JAKMIP3: variants seen among roughly 807,000 people sequenced by gnomAD.
JAKMIP3 encodes the protein janus kinase and microtubule-interacting protein 3.
A neutral mutation model predicts 118.5 loss-of-function variants in JAKMIP3; 58 were observed. The ratio of observed to expected loss-of-function variants is 0.49; its 90% confidence interval spans 0.40 to 0.61. The LOEUF is 0.61. Ranked by LOEUF, JAKMIP3 falls within the 20% of genes least tolerant of loss-of-function variation. The pLI is 0.00. For synonymous variants in JAKMIP3, 486 were observed against 451.2 expected, an observed-to-expected ratio of 1.08 and a Z score of -0.98; for missense variants, 950 against 1,109.0, an observed-to-expected ratio of 0.86 and a Z score of 2.04.
chr10:132,051,969 C>T lies in JAKMIP3; in HGVS notation c.-138+15231C>T, dbSNP rs143288679. On this transcript the variant is annotated intron_variant, in intron 1 of 23. Coordinates refer to the JAKMIP3 transcript ENST00000657785. Reference sequence around the variant, plus strand: ...TCCCAGCCAGGTGTGGTGGCTCACACCCAGTACTTTGGGAGGCAGAGGCAG... The same window carrying T: ...TCCCAGCCAGGTGTGGTGGCTCACATCCAGTACTTTGGGAGGCAGAGGCAG... Among the ~76,000 whole-genome samples, 168 of 152,318 alleles carry T rather than the reference C, an allele frequency of 1.1e-3. 2 individuals carry two copies. In the East Asian group the frequency reaches 0.028, roughly 25 times the overall value.
chr10:132,126,462 C>G (rs968475518), intron 3 of JAKMIP3, among the ~76,000 whole-genome samples: 2 of 152,138 alleles, frequency 1.3e-5, no homozygotes, highest in East Asian at 3.8e-4. Context: ...GCTGCCGTAC[C>G]TGGCTAAGTT....
intron 1 of JAKMIP3, among the ~76,000 whole-genome samples, chr10:132,093,029 G>T (rs1379469374): frequency 6.6e-6 from 1 of 152,182 alleles, no homozygotes; most frequent in Non-Finnish European, 1.5e-5. Flanking sequence ...TTTTCTGGAG[G>T]TCCACTCCAG....
In JAKMIP3 at chr10:132,097,941, C is replaced by T. The variant is rs1564892892; in HGVS notation, c.-137-6731C>T. Among the ~76,000 whole-genome samples, 27 of 60,738 alleles carry T rather than the reference C, an allele frequency of 4.4e-4. 6 individuals are homozygous for T. The highest frequency in any genetic ancestry group is 8.5e-4 in the South Asian group (1 of 1,172). The allele number at this position is 60,738 out of a possible 152,430, so 39.8% of individuals were successfully genotyped here. ...TCCCCTTTCCTTCCCCTTCCCCTTT[C>T]CCTTTCCCATCCCCTTTCCCTTTCC... On this transcript the variant is annotated intron_variant, in intron 1 of 23. Coordinates refer to ENST00000684848, the MANE Select transcript of JAKMIP3 (RefSeq NM_001323087.2).
At chr10:132,107,405 C>T (rs551643818) in intron 2 of JAKMIP3, among the ~76,000 whole-genome samples, 22 of 152,272 alleles carry the variant, frequency 1.4e-4, no homozygotes, top group African/African-American at 4.1e-4. Flanking sequence ...GTTCCAGGGC[C>T]GGCGTCTGAG....
chr10:132,116,239 T>C (rs1044571867), intron 2 of JAKMIP3, among the ~76,000 whole-genome samples: 2 of 152,260 alleles, frequency 1.3e-5, no homozygotes, highest in Non-Finnish European at 2.9e-5. Context: ...TTCCGGTGGG[T>C]GACCTCAGGT....
At chr10:132,153,113 G>A (rs2056518562) in intron 17 of JAKMIP3, 90 bp downstream of exon 17, 2 of 1,063,518 alleles carry the variant, frequency 1.9e-6, no homozygotes, top group South Asian at 2.7e-5. Flanking sequence ...CTCGGGAGGA[G>A]GGCCTGCAGG....
At chr10:132,159,723 C>T (rs1447945671) in intron 19 of JAKMIP3, among the ~76,000 whole-genome samples, 1 of 54,516 alleles carries the variant, frequency 1.8e-5, no homozygotes, top group East Asian at 5.6e-4. Context: ...ATGCTGGGGG[C>T]ATGTCTTCCT....
intron 1 of JAKMIP3, among the ~76,000 whole-genome samples, chr10:132,085,757 C>G (rs2042323381): frequency 6.6e-6 from 1 of 152,304 alleles, no homozygotes; most frequent in East Asian, 1.9e-4. Flanking sequence ...CCTCGGCCTC[C>G]CAAAGTGCTG....
At chr10:132,113,953 T>G (rs2047247177) in intron 2 of JAKMIP3, among the ~76,000 whole-genome samples, 1 of 152,258 alleles carries the variant, frequency 6.6e-6, no homozygotes, top group Non-Finnish European at 1.5e-5. Context: ...AGGATGCCTG[T>G]GCCGTGCGAC....
chr10:132,153,752 T>C lies in JAKMIP3; in HGVS notation c.2074-7T>C. 3 of 1,612,984 alleles carry C rather than the reference T, an allele frequency of 1.9e-6. No individual in the cohort carries two copies. In the South Asian group the frequency reaches 3.3e-5, roughly 18 times the overall value. On this transcript the variant is annotated splice_region_variant and splice_polypyrimidine_tract_variant and intron_variant, in intron 17 of 23. Coordinates refer to ENST00000684848, the MANE Select transcript of JAKMIP3 (RefSeq NM_001323087.2). ...GTCACTGTCCTGCTTGTTCTGTTTG[T>C]GTCCAGTGGCTCCAGCAGATTGAGG...
rs200516131 is a variant in JAKMIP3 at position 132,137,180 on chromosome 10, G to A, written c.1248+30G>A. ...CCGGCGGGCTGTTTGCTGCGGCCCC[G>A]TCCTCTGGCTCCCAAGGGGCTTGGC... is the stretch of plus-strand genomic sequence containing the variant. On this transcript the variant is annotated intron_variant, in intron 7 of 23. Transcript: ENST00000684848. 5.6e-4 allele frequency: 903 copies of A among 1,613,816 alleles called. 1 individual carries two copies. The highest frequency in any genetic ancestry group is 1.9e-3 in the Admixed American group (113 of 60,020).
intron 2 of JAKMIP3, among the ~76,000 whole-genome samples, chr10:132,114,595 A>G (rs1236388622): frequency 6.6e-6 from 1 of 152,138 alleles, no homozygotes; most frequent in African/African-American, 2.4e-5. Flanking sequence ...GGTTCTTTGC[A>G]TTTCCATCTA....
At chr10:132,146,136 C>A (rs2054560022) in intron 13 of JAKMIP3, among the ~76,000 whole-genome samples, 1 of 137,984 alleles carries the variant, frequency 7.2e-6, no homozygotes, top group Non-Finnish European at 1.6e-5. Context: ...CCCGCCCCCA[C>A]CCCCACCCCC....
At chr10:132,180,616 CGTGTGTGTGCGTGTGTGCGT>C (rs2060880226) in intron 23 of JAKMIP3, among the ~76,000 whole-genome samples, 1 of 14,612 alleles carries the variant, frequency 6.8e-5, no homozygotes, top group East Asian at 4.9e-3. Context: ...TGTGTGTGTG[CGTGTGTGTGCGTGTGTGCGT>C]GCGTGTGTGC....
chr10:132,161,054 C>G (rs1202339483), intron 19 of JAKMIP3, among the ~76,000 whole-genome samples: 4 of 95,690 alleles, frequency 4.2e-5, no homozygotes, highest in African/African-American at 7.7e-5. Flanking sequence ...ATGCTGGGGG[C>G]GTGTCTTTCT....
intron 19 of JAKMIP3, among the ~76,000 whole-genome samples, chr10:132,154,217 C>A (rs1024086431): frequency 3.9e-5 from 6 of 152,242 alleles, no homozygotes; most frequent in African/African-American, 1.4e-4. Flanking sequence ...GAGGCCTAAA[C>A]CCACACTGTG....
intron 3 of JAKMIP3, among the ~76,000 whole-genome samples, chr10:132,132,023 C>G (rs1041434580): frequency 1.3e-5 from 2 of 152,216 alleles, no homozygotes; most frequent in African/African-American, 4.8e-5. Context: ...GCCGCAGGCA[C>G]AGCTGCTGAT....
In JAKMIP3 at chr10:132,133,503, C is replaced by G. The variant is rs376769665; in HGVS notation, c.825C>G (p.Asp275Glu). ...RELPHAAGAG[D>E]ASDHSGSPEQ... ...TTCCTCATGCAGCTGGTGCAGGAGA[C>G]GCTTCAGACCACTCGGGAAGCCCTG... The change falls in exon 4 of 24, where the codon GAC (aspartate) becomes GAG (glutamate). Residue 275 changes from aspartate (D) to glutamate (E), a missense_variant. Coordinates refer to ENST00000684848, the MANE Select transcript of JAKMIP3 (RefSeq NM_001323087.2). 1 of 1,572,128 alleles carries G rather than the reference C, an allele frequency of 6.4e-7. No homozygotes were observed. The highest frequency in any genetic ancestry group is 8.6e-7 in the Non-Finnish European group (1 of 1,159,730).
At position 132,135,088 on chromosome 10, in the gene JAKMIP3, C is replaced by T. The variant is rs1452723601; in HGVS notation, c.897C>T (p.Ile299=). The change falls in exon 5 of 24, where the codon ATC becomes ATT. Residue 299 remains isoleucine (I), a synonymous_variant. Transcript: ENST00000684848. ...EKDARRFQLK[I]AELSAIIRKL... Reference sequence around the variant, plus strand: ...ATGCCCGGCGCTTCCAGCTTAAAATCGCGGAGTTAAGTGCGATTATCCGCA... The same window carrying T: ...ATGCCCGGCGCTTCCAGCTTAAAATTGCGGAGTTAAGTGCGATTATCCGCA... 5.6e-6 allele frequency: 9 copies of T among 1,613,486 alleles called. No individual in the cohort carries two copies. The highest frequency in any genetic ancestry group is 6.8e-6 in the Non-Finnish European group (8 of 1,179,624).
Sources: allele counts gnomAD v4.1 joint callset (sites outside exome capture counted in the v4.1 genomes callset), GRCh38; gene constraint gnomAD v4.1.1; transcripts MANE v1.5; gene names NCBI Gene and HGNC (gene_info 2026-07-23, HGNC 2026-07-21).